Variants in ERICH1 observed in about 807,000 individuals in gnomAD.
ERICH1 encodes glutamate rich 1, also known as glutamate-rich protein 1.
Under a neutral mutation model 39.6 loss-of-function variants are expected in ERICH1, and 56 were observed. That is an observed-to-expected ratio of 1.41 (90% CI 1.14 to 1.77). ERICH1 has a LOEUF of 1.77. Among genes scored for constraint, ERICH1 ranks in the 40% most tolerant of loss-of-function variants. The pLI, the probability that ERICH1 is intolerant of heterozygous loss-of-function variation, is 0.00. For missense variants in ERICH1, 826 were observed against 575.4 expected, an observed-to-expected ratio of 1.44 and a Z score of -4.45; for synonymous variants, 313 against 223.6, an observed-to-expected ratio of 1.40 and a Z score of -3.57.
At chr8:700,084 C>A (rs1227106623) in intron 2 of ERICH1, among the ~76,000 whole-genome samples, 1 of 140,942 alleles carries the variant, frequency 7.1e-6, no homozygotes, top group African/African-American at 2.7e-5. Context: ...CGCACAGACC[C>A]GCACACGCGC....
At chr8:708,687 T>TTTTTGTTTTTTG (rs1554526200) in intron 2 of ERICH1, among the ~76,000 whole-genome samples, 4 of 51,086 alleles carry the variant, frequency 7.8e-5, no homozygotes, top group Non-Finnish European at 1.2e-4. Flanking sequence ...ATGAGTTTTT[T>TTTTTGTTTTTTG]TTTTTTTTTT....
chr8:667,780 C>G (rs923521978), intron 5 of ERICH1: 1 of 152,584 alleles, frequency 6.6e-6, no homozygotes, highest in African/African-American at 2.4e-5. Flanking sequence ...CTCTAACATG[C>G]TGGTCTTGAC....
At chr8:616,184 A>C in intron 3 of ERICH1, 1 of 215,436 alleles carries the variant, frequency 4.6e-6, no homozygotes, top group Non-Finnish European at 9.5e-6. Context: ...GTACACCTTA[A>C]AGAAATTCCG....
In ERICH1 at chr8:630,861, G is replaced by C. The variant is rs578244759; in HGVS notation, c.977-15577C>G. ...TCCCGTGACCACCCACTCAGACAGA[G>C]CTGACTCACACCCTCCTGTGACCAC... is the stretch of plus-strand genomic sequence containing the variant. On this transcript the variant is annotated intron_variant, in intron 3 of 3. Coordinates refer to the ERICH1 transcript ENST00000522706. 5.9e-4 allele frequency among the ~76,000 whole-genome samples: 76 copies of C among 129,822 alleles called. 3 individuals are homozygous for C. The South Asian group carries it at 0.011, about 18-fold the overall frequency. 85.2% of individuals were successfully genotyped at this position (129,822 alleles called of 152,430 possible). A position where few individuals can be genotyped will look rare whatever the true frequency, so the allele number is the denominator to read the frequency against.
In ERICH1 at chr8:673,735, C is replaced by G. The variant is rs1465693889; in HGVS notation, c.617G>C (p.Cys206Ser). Residue 206 changes from cysteine (C) to serine (S), a missense_variant, in exon 4 of 6, where the codon TGT becomes TCT. Coordinates refer to ENST00000262109, the MANE Select transcript of ERICH1 (RefSeq NM_207332.3). ...GCTGGTGTCCACACCATCCTCCTCA[C>G]AAGCCTCTCCCACGCCTTCCCCTTC... ...SNEGEGVGEA[C>S]EEDGVDTSEE... The G allele has an allele frequency of 2.5e-6, 4 of 1,613,818 alleles. No individual in the cohort carries two copies. Among genetic ancestry groups the G allele is most frequent in the Admixed American group, 1.7e-5 (1 of 59,990 alleles).
intron 3 of ERICH1, among the ~76,000 whole-genome samples, chr8:619,462 T>C (rs1308671958): frequency 6.6e-6 from 1 of 152,164 alleles, no homozygotes; most frequent in Non-Finnish European, 1.5e-5. Flanking sequence ...AGAAACGTAA[T>C]ACATTTGAAA....
intron 3 of ERICH1, among the ~76,000 whole-genome samples, chr8:637,841 C>T (rs111730643): frequency 0.013 from 1,921 of 152,292 alleles, 35 homozygotes; most frequent in African/African-American, 0.043. Context: ...AGTCACCAGC[C>T]GTGCGAGAGC....
At chr8:675,828 A>G (rs1435227404) in intron 3 of ERICH1, among the ~76,000 whole-genome samples, 1 of 9,778 alleles carries the variant, frequency 1.0e-4, no homozygotes, top group Non-Finnish European at 1.5e-4. Flanking sequence ...GAGGACAGAG[A>G]CGCGGCGGCC....
At chr8:624,441 T>C (rs1797479599) in intron 3 of ERICH1, among the ~76,000 whole-genome samples, 4 of 152,210 alleles carry the variant, frequency 2.6e-5, no homozygotes, top group Non-Finnish European at 5.9e-5. Context: ...CAAAAACACA[T>C]TCACGCCAAA....
intron 3 of ERICH1, among the ~76,000 whole-genome samples, chr8:634,762 C>T (rs551992988): frequency 2.7e-4 from 41 of 152,308 alleles, no homozygotes; most frequent in Admixed American, 5.9e-4. Flanking sequence ...CCTTGGCGAC[C>T]GGAAGCCTCT....
At chr8:624,237 T>C (rs1797462419) in intron 3 of ERICH1, among the ~76,000 whole-genome samples, 1 of 151,688 alleles carries the variant, frequency 6.6e-6, no homozygotes, top group Admixed American at 6.6e-5. Flanking sequence ...GAAAGATAGA[T>C]GATGTAAAGA....
intron 3 of ERICH1, among the ~76,000 whole-genome samples, chr8:674,669 G>A (rs567061999): frequency 1.3e-5 from 2 of 152,244 alleles, no homozygotes; most frequent in Admixed American, 6.5e-5. Flanking sequence ...GGGGAAACCC[G>A]TATTTCTTTT....
chr8:642,962 C>T (rs763103902), intron 3 of ERICH1, among the ~76,000 whole-genome samples: 6 of 152,136 alleles, frequency 3.9e-5, no homozygotes, highest in African/African-American at 1.4e-4. Context: ...AGGTGGGAGA[C>T]GCCGCCGAGT....
At chr8:668,137 C>T (rs1356357398) in intron 5 of ERICH1, 4 of 236,422 alleles carry the variant, frequency 1.7e-5, no homozygotes, top group Non-Finnish European at 3.4e-5. Flanking sequence ...AAGACATGAG[C>T]ACAGCTGCTC....
At chr8:636,547 A>G (rs1464138156) in intron 3 of ERICH1, among the ~76,000 whole-genome samples, 1 of 152,226 alleles carries the variant, frequency 6.6e-6, no homozygotes, top group Non-Finnish European at 1.5e-5. Context: ...TCACGGACGG[A>G]GGCCTGTGCA....
In ERICH1 at chr8:649,832, T is replaced by C. The variant is rs191639983; in HGVS notation, c.976+18766A>G. On this transcript the variant is annotated intron_variant, in intron 3 of 3. Coordinates refer to the ERICH1 transcript ENST00000522706. ...GTATCAGAGCAGGTGAGCTGACAGC[T>C]GGGCTCCAGCAAGAGCTTTCCAGGA... 3.0e-3 allele frequency among the ~76,000 whole-genome samples: 457 copies of C among 152,278 alleles called. 2 individuals carry two copies. Among genetic ancestry groups the C allele is most frequent in the African/African-American group, 0.01 (421 of 41,554 alleles).
rs1486802549 is a variant in ERICH1, at chr8:646,814, C to A, written c.976+21784G>T. Among the ~76,000 whole-genome samples the A allele has an allele frequency of 2.9e-5, 2 of 69,258 alleles. 1 individual carries two copies. Among genetic ancestry groups the A allele is most frequent in the African/African-American group, 7.3e-5 (2 of 27,482 alleles). The allele number at this position is 69,258 out of a possible 152,430, so 45.4% of individuals were successfully genotyped here. ...GAATACAGGCGATAGGTGACCTCTGCAAATTCCCTGCTGGTGCCTCTGGTG... is the reference window on the plus strand; with the variant it reads ...GAATACAGGCGATAGGTGACCTCTGAAAATTCCCTGCTGGTGCCTCTGGTG... On this transcript the variant is annotated intron_variant, in intron 3 of 3. Transcript: ENST00000522706.
chr8:698,880 C>G (rs751730602), intron 2 of ERICH1, among the ~76,000 whole-genome samples: 1 of 149,834 alleles, frequency 6.7e-6, no homozygotes, highest in Admixed American at 6.7e-5. Flanking sequence ...GAAGTAGCAT[C>G]CTATGGTTGT....
chr8:716,076 G>A (rs1463127336), intron 1 of ERICH1, 69 bp from the exon 2 acceptor site: 18 of 1,515,888 alleles, frequency 1.2e-5, no homozygotes, highest in South Asian at 4.0e-5. Flanking sequence ...TGAATCACAC[G>A]TGACTTTTAC....
Sources: gnomAD v4.1 joint callset for allele counts (sites outside exome capture counted in the v4.1 genomes callset) on GRCh38, gnomAD v4.1.1 for gene constraint, MANE v1.5 for transcripts, NCBI Gene and HGNC (gene_info 2026-07-23, HGNC 2026-07-21) for gene names.